The following ABCA13 variants were observed in gnomAD, a reference collection of about 807,000 sequenced individuals.
ABCA13 encodes ATP binding cassette subfamily A member 13.
A neutral mutation model predicts 478.7 loss-of-function variants in ABCA13; 476 were observed. That is an observed-to-expected ratio of 0.99 (90% CI 0.92 to 1.07). ABCA13 has a LOEUF of 1.07. Ranked by LOEUF, ABCA13 falls within the 50% of genes least tolerant of loss-of-function variation. ABCA13 has a pLI of 0.00. For synonymous variants in ABCA13, 2,252 were observed against 2,158.9 expected, an observed-to-expected ratio of 1.04 and a Z score of -1.20; for missense variants, 6,060 against 5,910.6, an observed-to-expected ratio of 1.03 and a Z score of -0.83.
Position 48,278,556 on chromosome 7 carries a change from G to A in ABCA13, c.7362G>A (p.Thr2454=), listed in dbSNP as rs377081983. Residue 2454 remains threonine, a synonymous_variant, in exon 18 of 62, where the codon ACG becomes ACA. Transcript: ENST00000435803. ...TLQEVILANL[T]DLLFFINNSF... ...AAGAAGTTATACTTGCTAATCTAACGGATTTGCTTTTCTTTATAAATAATT... is the reference window on the plus strand; with the variant it reads ...AAGAAGTTATACTTGCTAATCTAACAGATTTGCTTTTCTTTATAAATAATT... 42 of 1,613,654 alleles carry A rather than the reference G, an allele frequency of 2.6e-5. No homozygotes were observed. Among genetic ancestry groups the A allele is most frequent in the South Asian group, 1.1e-4 (10 of 91,066 alleles).
chr7:48,476,372 A>G (rs1194509828), intron 45 of ABCA13, among the ~76,000 whole-genome samples: 1 of 152,198 alleles, frequency 6.6e-6, no homozygotes, highest in African/African-American at 2.4e-5. Flanking sequence ...AAGAGGCCAA[A>G]ATAATAACGA....
intron 39 of ABCA13, among the ~76,000 whole-genome samples, chr7:48,405,330 G>A (rs1039937694): frequency 6.6e-6 from 1 of 152,206 alleles, no homozygotes; most frequent in Non-Finnish European, 1.5e-5. Context: ...GTGCCATGTG[G>A]TTTTGGTTGA....
At chr7:48,206,588 G>GT (rs371741854) in intron 3 of ABCA13, among the ~76,000 whole-genome samples, 4 of 148,426 alleles carry the variant, frequency 2.7e-5, no homozygotes, top group African/African-American at 7.4e-5. Flanking sequence ...GTTCTTTTCT[G>GT]TTTTTTTGGT....
rs202145037 is a variant in ABCA13, at chr7:48,374,357, C to T, written c.11144C>T (p.Ser3715Leu). 450 of 1,609,478 alleles carry T rather than the reference C, an allele frequency of 2.8e-4. No homozygotes were observed. The African/African-American group carries it at 4.8e-3, about 17-fold the overall frequency. ...TCAATCTGTGGGCAGTGCCTTCTTT[C>T]GACAACCGCCTTTGGACAAGGGGTA... The part of the protein sequence containing the change: ...FVNQTFLCLL[S>L]TTAFGQGVFF... Residue 3715 changes from serine (S) to leucine (L), a missense_variant, in exon 34 of 62, where the codon TCG becomes TTG. This residue lies in a region of ABCA13 where 4,423 missense variants were observed against 4,309.1 expected (regional missense o/e 1.03). Transcript: ENST00000435803.
intron 15 of ABCA13, among the ~76,000 whole-genome samples, chr7:48,251,537 C>T (rs995935970): frequency 6.6e-6 from 1 of 152,096 alleles, no homozygotes; most frequent in Non-Finnish European, 1.5e-5. Context: ...ATCCTGTAAG[C>T]TTAACCACTC....
In ABCA13 at chr7:48,194,202, A is replaced by AAGATG. The variant is rs1562747279; in HGVS notation, c.163+1150_163+1151insAGATG. On this transcript the variant is annotated intron_variant, in intron 2 of 61. Coordinates refer to ENST00000435803, the MANE Select transcript of ABCA13 (RefSeq NM_152701.5). ...GCTGATAGTGATAATGATGATGATA[A>AAGATG]GAGTGATGATAGTGGACGATGATGA... 7.6e-3 allele frequency among the ~76,000 whole-genome samples: 2 copies of AAGATG among 264 alleles called. 1 individual carries two copies. Among genetic ancestry groups the AAGATG allele is most frequent in the African/African-American group, 0.091 (2 of 22 alleles). 0.2% of individuals were successfully genotyped at this position (264 alleles called of 152,430 possible).
At chr7:48,220,926 AT>A (rs911665977) in intron 4 of ABCA13, among the ~76,000 whole-genome samples, 49 of 151,926 alleles carry the variant, frequency 3.2e-4, no homozygotes, top group African/African-American at 1.1e-3. Context: ...TTTTTCCTTC[AT>A]TTTTTTCTTT....
chr7:48,283,936 AG>A (rs1221342338), intron 19 of ABCA13, among the ~76,000 whole-genome samples: 1 of 152,194 alleles, frequency 6.6e-6, no homozygotes, highest in Non-Finnish European at 1.5e-5. Flanking sequence ...AAGAAAACAT[AG>A]GGGAACACCT....
chr7:48,490,836 A>G (rs2130701313), intron 48 of ABCA13, among the ~76,000 whole-genome samples: 1 of 152,342 alleles, frequency 6.6e-6, no homozygotes, highest in East Asian at 1.9e-4. Context: ...AATAAGAATG[A>G]CATAATCTAT....
At chr7:48,241,390 G>A (rs534784522) in intron 10 of ABCA13, among the ~76,000 whole-genome samples, 1 of 152,298 alleles carries the variant, frequency 6.6e-6, no homozygotes, top group Admixed American at 6.5e-5. Context: ...GCATTTTTAT[G>A]TACAGAACTA....
intron 29 of ABCA13, among the ~76,000 whole-genome samples, chr7:48,343,386 G>A (rs1807543643): frequency 6.6e-6 from 1 of 152,048 alleles, no homozygotes; most frequent in African/African-American, 2.4e-5. Context: ...TATTTGGGTG[G>A]GGTGGGGATC....
rs55694821 is a variant in ABCA13, at chr7:48,401,744, A to AACACAC, written c.11874-1912_11874-1907dup. 7.9e-3 allele frequency among the ~76,000 whole-genome samples: 1,136 copies of AACACAC among 143,994 alleles called. 20 individuals carry two copies. Among genetic ancestry groups the AACACAC allele is most frequent in the African/African-American group, 0.026 (1,027 of 39,020 alleles). 94.5% of individuals were successfully genotyped at this position (143,994 alleles called of 152,430 possible). On this transcript the variant is annotated intron_variant, in intron 38 of 61. Coordinates refer to ENST00000435803, the MANE Select transcript of ABCA13 (RefSeq NM_152701.5). Reference sequence around the variant, plus strand: ...CTGCTCTTGGCTTCAAGAATTTTAAAACACACACACACACACACACACACA... The same window carrying AACACAC: ...CTGCTCTTGGCTTCAAGAATTTTAAAACACACACACACACACACACACACACACACA...
intron 49 of ABCA13, among the ~76,000 whole-genome samples, chr7:48,507,297 A>G (rs2130869938): frequency 6.6e-6 from 1 of 152,340 alleles, no homozygotes; most frequent in Non-Finnish European, 1.5e-5. Context: ...GACTGTTCCT[A>G]AAGGAGTTGA....
rs1015665532 is a variant in ABCA13 at position 48,523,694 on chromosome 7, G to A, written c.14052-554G>A. Among the ~76,000 whole-genome samples the A allele has an allele frequency of 1.1e-4, 17 of 152,064 alleles. 1 individual carries two copies. The highest frequency in any genetic ancestry group is 1.0e-4 in the Non-Finnish European group (7 of 68,004). Reference sequence around the variant, plus strand: ...AATTAGAAAGAAGATTAAAAAGTGAGCAGCTCAGATTTAGAGAAAATAAGA... The same window carrying A: ...AATTAGAAAGAAGATTAAAAAGTGAACAGCTCAGATTTAGAGAAAATAAGA... On this transcript the variant is annotated intron_variant, in intron 53 of 61. Transcript: ENST00000435803.
At chr7:48,238,876 TAGTC>T (rs1027591959) in intron 8 of ABCA13, among the ~76,000 whole-genome samples, 2 of 152,224 alleles carry the variant, frequency 1.3e-5, no homozygotes, top group African/African-American at 2.4e-5. Flanking sequence ...CCACTTTTGA[TAGTC>T]AGAAAAGAAA....
chr7:48,231,168 T>TAA (rs768172808), intron 7 of ABCA13, among the ~76,000 whole-genome samples: 2 of 137,706 alleles, frequency 1.5e-5, no homozygotes, highest in African/African-American at 5.4e-5. Context: ...AACTTAAAGT[T>TAA]AAAAAAAAAA....
intron 58 of ABCA13, among the ~76,000 whole-genome samples, chr7:48,601,293 A>G (rs1043696567): frequency 2.0e-5 from 3 of 152,118 alleles, no homozygotes; most frequent in Admixed American, 2.0e-4. Flanking sequence ...TTTGTTACAT[A>G]GGTATACATG....
chr7:48,342,777 T>G (rs1016426811), intron 29 of ABCA13, among the ~76,000 whole-genome samples: 1 of 152,182 alleles, frequency 6.6e-6, no homozygotes, highest in Non-Finnish European at 1.5e-5. Flanking sequence ...TATTTTCTCT[T>G]TATACTTCAG....
intron 58 of ABCA13, among the ~76,000 whole-genome samples, chr7:48,595,975 A>G (rs1585921525): frequency 3.3e-5 from 5 of 152,334 alleles, no homozygotes; most frequent in Admixed American, 3.3e-4. Context: ...AGTGAAATAT[A>G]AAGCTAGCCC....
Sources: allele counts gnomAD v4.1 joint callset (sites outside exome capture counted in the v4.1 genomes callset), GRCh38; gene constraint gnomAD v4.1.1; regional missense constraint gnomAD v4.1.1; transcripts MANE v1.5; gene names NCBI Gene and HGNC (gene_info 2026-07-23, HGNC 2026-07-21).